Variants in RBPJ observed in about 807,000 individuals in gnomAD.
RBPJ encodes recombination signal binding protein for immunoglobulin kappa J region.
RBPJ carries 9 observed loss-of-function variants against 67.8 expected under a neutral mutation model. The ratio of observed to expected loss-of-function variants is 0.13; its 90% confidence interval spans 0.08 to 0.23. RBPJ has a LOEUF of 0.23. Ranked by LOEUF, RBPJ falls within the 10% of genes least tolerant of loss-of-function variation. The probability of loss-of-function intolerance (pLI) is 1.00; values close to 1 mark genes in which losing one functional copy is unlikely to be tolerated. For synonymous variants in RBPJ, 198 were observed against 203.3 expected (o/e 0.97, Z 0.22); for missense variants, 305 against 595.6 (o/e 0.51, Z 5.08).
At chr4:26,406,996 T>TA (rs1324829852) in intron 3 of RBPJ, among the ~76,000 whole-genome samples, 2 of 152,216 alleles carry the variant, frequency 1.3e-5, no homozygotes, top group Non-Finnish European at 2.9e-5. Context: ...ACTTTCTACA[T>TA]ACACTCAAGC....
At chr4:26,156,047 T>C in the RBPJ span, among the ~76,000 whole-genome samples, 2 of 152,180 alleles carry the variant, frequency 1.3e-5, no homozygotes, top group Non-Finnish European at 2.9e-5. Flanking sequence ...GTGTCTGACA[T>C]AAACAACTTG....
chr4:26,428,285 T>C (rs1020619313), intron 7 of RBPJ, among the ~76,000 whole-genome samples: 9 of 152,244 alleles, frequency 5.9e-5, no homozygotes, highest in African/African-American at 2.2e-4. Flanking sequence ...TAGAACTTGC[T>C]GTTCAAAATA....
chr4:26,293,306 C>T, intron 1 of RBPJ, among the ~76,000 whole-genome samples: 1 of 150,134 alleles, frequency 6.7e-6, no homozygotes, highest in East Asian at 2.0e-4. Flanking sequence ...GTGCCCTCAG[C>T]TTCCTTTTTT....
intron 1 of RBPJ, chr4:26,362,663 C>T: frequency 6.4e-7 from 1 of 1,560,272 alleles, no homozygotes. Flanking sequence ...ACCCCAAGGT[C>T]ATGGATAGAA....
chr4:26,399,523 C>CT (rs34321374), intron 2 of RBPJ, among the ~76,000 whole-genome samples: 73,519 of 147,914 alleles, frequency 0.5, 19,261 homozygotes, highest in Admixed American at 0.61. Flanking sequence ...TTTTTCTTTC[C>CT]TTTTTTTTTT....
At chr4:26,317,115 T>G (rs556140337), upstream of RBPJ, among the ~76,000 whole-genome samples, 43 of 151,698 alleles carry the variant, frequency 2.8e-4, no homozygotes, top group South Asian at 8.1e-3. Context: ...TACATTATAA[T>G]GGAAGGAGGC....
chr4:26,382,472 T>A (rs927669125), intron 1 of RBPJ, among the ~76,000 whole-genome samples: 5 of 152,256 alleles, frequency 3.3e-5, no homozygotes, highest in African/African-American at 1.2e-4. Flanking sequence ...TGTGTATCCC[T>A]ATGGAGATTT....
chr4:26,392,789 G>A (rs1413660178), intron 2 of RBPJ, among the ~76,000 whole-genome samples: 1 of 152,138 alleles, frequency 6.6e-6, no homozygotes. Context: ...CTTTAAATAA[G>A]TGTATTTTAC....
intron 1 of RBPJ, among the ~76,000 whole-genome samples, chr4:26,213,120 C>T (rs184412917): frequency 2.6e-5 from 4 of 152,282 alleles, no homozygotes; most frequent in African/African-American, 7.2e-5. Flanking sequence ...GAACTACTCT[C>T]ACAAATTAAT....
intron 1 of RBPJ, among the ~76,000 whole-genome samples, chr4:26,172,875 G>C (rs533835762): frequency 2.0e-4 from 30 of 152,308 alleles, no homozygotes; most frequent in African/African-American, 7.0e-4. Context: ...ATCCAGGTCT[G>C]TCTTTCAATC....
the RBPJ span, among the ~76,000 whole-genome samples, chr4:26,151,790 G>A: frequency 6.6e-6 from 1 of 152,216 alleles, no homozygotes; most frequent in Non-Finnish European, 1.5e-5. Flanking sequence ...ATCTCCAAAG[G>A]AGGCCTTGGC....
At chr4:26,397,537 G>A (rs1732259367) in intron 2 of RBPJ, among the ~76,000 whole-genome samples, 1 of 152,196 alleles carries the variant, frequency 6.6e-6, no homozygotes, top group Non-Finnish European at 1.5e-5. Flanking sequence ...GGATCAACAA[G>A]CATTTTCTGT....
chr4:26,258,128 A>G (rs1390724703), intron 1 of RBPJ, among the ~76,000 whole-genome samples: 1 of 152,266 alleles, frequency 6.6e-6, no homozygotes, highest in African/African-American at 2.4e-5. Context: ...GTGGCTGCAC[A>G]GCCAAGCCTC....
chr4:26,217,248 T>C (rs945912589), intron 1 of RBPJ, among the ~76,000 whole-genome samples: 3 of 152,170 alleles, frequency 2.0e-5, no homozygotes, highest in Non-Finnish European at 4.4e-5. Context: ...GGACTCAAAC[T>C]TTATCAATTA....
chr4:26,271,840 C>T (rs1368220302), intron 1 of RBPJ, among the ~76,000 whole-genome samples: 2 of 152,218 alleles, frequency 1.3e-5, no homozygotes, highest in Non-Finnish European at 2.9e-5. Context: ...TCATTCTGCA[C>T]AGTGTCACTG....
chr4:26,298,420 G>T (rs1035213855), intron 1 of RBPJ, among the ~76,000 whole-genome samples: 1 of 152,112 alleles, frequency 6.6e-6, no homozygotes, highest in Non-Finnish European at 1.5e-5. Flanking sequence ...TTTGGAACTA[G>T]CATAGCACAA....
intron 1 of RBPJ, among the ~76,000 whole-genome samples, chr4:26,172,858 GA>G (rs1227183384): frequency 6.6e-6 from 1 of 152,178 alleles, no homozygotes. Context: ...GTAGAACTGG[GA>G]TTCAAATCCA....
At chr4:26,244,436 C>CATATGTGTACAT (rs1560226600) in intron 1 of RBPJ, among the ~76,000 whole-genome samples, 1 of 122,240 alleles carries the variant, frequency 8.2e-6, no homozygotes, top group African/African-American at 3.3e-5. Context: ...TATATGTATA[C>CATATGTGTACAT]ATATGTGTGT....
chr4:26,210,804 T>TTTCTTTCTTTCTTTCC (rs1491117442), intron 1 of RBPJ, among the ~76,000 whole-genome samples: 2 of 148,942 alleles, frequency 1.3e-5, no homozygotes, highest in Non-Finnish European at 3.0e-5. Context: ...TCTTTCTTTC[T>TTTCTTTCTTTCTTTCC]TTCTTTTCTC....
Sources: gnomAD v4.1 joint callset for allele counts (sites outside exome capture counted in the v4.1 genomes callset) on GRCh38, gnomAD v4.1.1 for gene constraint, MANE v1.5 for transcripts, NCBI Gene and HGNC (gene_info 2026-07-23, HGNC 2026-07-21) for gene names.